The following TTLL11 variants were observed in gnomAD, a reference collection of about 807,000 sequenced individuals.
The protein encoded by TTLL11 is tubulin polyglutamylase TTLL11.
TTLL11 carries 42 observed loss-of-function variants against 51.7 expected under a neutral mutation model. The ratio of observed to expected loss-of-function variants is 0.81; its 90% CI spans 0.64 to 1.05. The LOEUF (loss-of-function observed/expected upper bound fraction) is 1.05, where lower values mean the gene tolerates loss of function less well. TTLL11 is among the 50% of genes least tolerant of loss of function. TTLL11 has a pLI of 0.00. For synonymous variants in TTLL11, 381 were observed against 383.5 expected, an observed-to-expected ratio of 0.99 and a Z score of 0.08; for missense variants, 799 against 940.4, an observed-to-expected ratio of 0.85 and a Z score of 1.97.
chr9:122,046,554 T>C (rs1254378890), intron 1 of TTLL11, among the ~76,000 whole-genome samples: 2 of 152,224 alleles, frequency 1.3e-5, no homozygotes, highest in Admixed American at 1.3e-4. Flanking sequence ...CAGATTGTCA[T>C]GGAGCATTGA....
rs1176096977 is a variant in TTLL11, at chr9:122,088,642, A to G, written c.462+4045T>C. ...TAGAGCACTTAAAACAGCACCTGGA[A>G]CAGAGTAAGAGCTATATAAAGATTT... On this transcript the variant is annotated intron_variant, in intron 1 of 8. Transcript: ENST00000321582. 2.6e-5 allele frequency among the ~76,000 whole-genome samples: 4 copies of G among 152,224 alleles called. No individual in the cohort carries two copies. The South Asian group carries it at 8.3e-4, about 32-fold the overall frequency.
chr9:122,001,218 C>G (rs1338979510), intron 3 of TTLL11, among the ~76,000 whole-genome samples: 1 of 152,092 alleles, frequency 6.6e-6, no homozygotes, highest in Non-Finnish European at 1.5e-5. Flanking sequence ...GCCTCAGGCT[C>G]CCGAGTAGCT....
intron 6 of TTLL11, among the ~76,000 whole-genome samples, chr9:121,932,929 A>T (rs942107776): frequency 2.6e-5 from 4 of 152,326 alleles, no homozygotes; most frequent in African/African-American, 9.6e-5. Context: ...CCTGAGCAGG[A>T]AAAAACCACA....
chr9:122,006,182 A>G (rs1444216161), intron 3 of TTLL11, among the ~76,000 whole-genome samples: 1 of 152,106 alleles, frequency 6.6e-6, no homozygotes, highest in African/African-American at 2.4e-5. Flanking sequence ...CTCTACTAAA[A>G]ATACAAAAAT....
chr9:122,027,123 G>T (rs765569067), intron 3 of TTLL11, among the ~76,000 whole-genome samples: 4 of 152,116 alleles, frequency 2.6e-5, no homozygotes, highest in Non-Finnish European at 4.4e-5. Context: ...AAGGAAAGCA[G>T]GCACATCTTA....
At chr9:122,056,348 T>C (rs1845291436) in intron 1 of TTLL11, among the ~76,000 whole-genome samples, 1 of 152,230 alleles carries the variant, frequency 6.6e-6, no homozygotes, top group Non-Finnish European at 1.5e-5. Flanking sequence ...AAATGGCTAC[T>C]ATTTATGTGC....
At chr9:121,826,570 T>TATATATATATAC (rs1554756762) in intron 8 of TTLL11, among the ~76,000 whole-genome samples, 2 of 112,488 alleles carry the variant, frequency 1.8e-5, no homozygotes, top group Admixed American at 9.3e-5. Flanking sequence ...TATATATATA[T>TATATATATATAC]ATATATATAT....
chr9:122,037,808 C>A (rs1014487091), intron 2 of TTLL11, among the ~76,000 whole-genome samples: 1 of 152,124 alleles, frequency 6.6e-6, no homozygotes, highest in Admixed American at 6.5e-5. Flanking sequence ...TGTTTCCTGC[C>A]CTGTATCCTT....
At chr9:121,940,126 C>T (rs1225980036) in intron 6 of TTLL11, among the ~76,000 whole-genome samples, 2 of 152,204 alleles carry the variant, frequency 1.3e-5, no homozygotes, top group Non-Finnish European at 2.9e-5. Flanking sequence ...ACAGGTCAAA[C>T]ATTTATCCAG....
intron 1 of TTLL11, among the ~76,000 whole-genome samples, chr9:122,048,928 C>T (rs949106888): frequency 6.6e-6 from 1 of 152,074 alleles, no homozygotes; most frequent in African/African-American, 2.4e-5. Context: ...ATCAGTGTAT[C>T]CCTAACACCA....
chr9:121,835,028 T>C (rs1837146119), intron 8 of TTLL11, among the ~76,000 whole-genome samples: 1 of 152,194 alleles, frequency 6.6e-6, no homozygotes, highest in African/African-American at 2.4e-5. Context: ...GGGATCTCCA[T>C]GGTCTCTACC....
chr9:121,863,591 AAT>A (rs1264060797), intron 7 of TTLL11, among the ~76,000 whole-genome samples: 1 of 152,234 alleles, frequency 6.6e-6, no homozygotes, highest in African/African-American at 2.4e-5. Flanking sequence ...GATGCCTGCA[AAT>A]ATAGTTGATT....
Position 121,831,125 on chromosome 9 carries a change from G to C in TTLL11, c.1841-8246C>G, listed in dbSNP as rs1041764183. 3.9e-5 allele frequency among the ~76,000 whole-genome samples: 6 copies of C among 152,218 alleles called. No homozygotes were observed. In the East Asian group the frequency reaches 1.2e-3, roughly 29 times the overall value. ...AAGGCAAGCCAGCAATCTTATGCAGGAGGGCCTCTGACACCTCAGGCCGAG... is the reference window on the plus strand; with the variant it reads ...AAGGCAAGCCAGCAATCTTATGCAGCAGGGCCTCTGACACCTCAGGCCGAG... On this transcript the variant is annotated intron_variant, in intron 8 of 8. Coordinates refer to ENST00000321582, the MANE Select transcript of TTLL11 (RefSeq NM_001139442.2).
In TTLL11 at chr9:122,077,674, A is replaced by T. The variant is rs188047330; in HGVS notation, c.462+15013T>A. Among the ~76,000 whole-genome samples, 3 of 152,250 alleles carry T rather than the reference A, an allele frequency of 2.0e-5. No homozygotes were observed. In the East Asian group the frequency reaches 5.8e-4, roughly 29 times the overall value. ...ACACATATGTAAAATATTGGACAAAAATCAGGGCTACAAAATTTATATAAT... is the reference window on the plus strand; with the variant it reads ...ACACATATGTAAAATATTGGACAAATATCAGGGCTACAAAATTTATATAAT... On this transcript the variant is annotated intron_variant, in intron 1 of 8. Transcript: ENST00000321582.
chr9:121,960,280 T>C (rs954006241), intron 6 of TTLL11, among the ~76,000 whole-genome samples: 3 of 152,236 alleles, frequency 2.0e-5, no homozygotes, highest in Non-Finnish European at 4.4e-5. Context: ...CTATAATTCA[T>C]GCATTTTCAT....
intron 6 of TTLL11, among the ~76,000 whole-genome samples, chr9:121,892,034 TATAA>T (rs1420983751): frequency 3.2e-4 from 35 of 108,442 alleles, no homozygotes; most frequent in Non-Finnish European, 6.4e-4. Context: ...AGGTTTTATA[TATAA>T]ATATATATTA....
chr9:122,005,260 C>T (rs79678714), intron 3 of TTLL11, among the ~76,000 whole-genome samples: 5,079 of 152,260 alleles, frequency 0.033, 141 homozygotes, highest in South Asian at 0.055. Context: ...CTCTCAGGTC[C>T]TTTCCAACCC....
chr9:121,905,474 C>T (rs1839912247), intron 6 of TTLL11, among the ~76,000 whole-genome samples: 1 of 152,032 alleles, frequency 6.6e-6, no homozygotes, highest in African/African-American at 2.4e-5. Flanking sequence ...GCCTCAGCCT[C>T]CTGAGTAGCT....
chr9:122,039,175 A>G, intron 2 of TTLL11, 97 bp downstream of exon 2: 1 of 1,047,432 alleles, frequency 9.5e-7, no homozygotes, highest in Non-Finnish European at 1.4e-6. Flanking sequence ...GAGTCCTCAA[A>G]TCTGATCTCA....
Sources: allele counts gnomAD v4.1 joint callset (sites outside exome capture counted in the v4.1 genomes callset), GRCh38; gene constraint gnomAD v4.1.1; transcripts MANE v1.5; gene names NCBI Gene and HGNC (gene_info 2026-07-23, HGNC 2026-07-21).